The following AKNA variants were observed in gnomAD, a reference collection of about 807,000 sequenced individuals.
AKNA encodes AT-hook transcription factor.
AKNA carries 67 observed loss-of-function variants against 138.8 expected under a neutral mutation model. The observed-to-expected ratio is 0.48, with a 90% CI of 0.40 to 0.59. AKNA has a LOEUF of 0.59. AKNA is among the 20% of genes least tolerant of loss of function. The pLI is 0.00. For missense variants in AKNA, 1,813 were observed against 1,880.4 expected (o/e 0.96, Z 0.66); for synonymous variants, 737 against 754.4 (o/e 0.98, Z 0.38).
intron 15 of AKNA, 31 bp from the exon 16 acceptor site, chr9:114,347,931 A>G: frequency 6.5e-7 from 1 of 1,545,582 alleles, no homozygotes; most frequent in East Asian, 2.5e-5. Flanking sequence ...GAAACAAAGA[A>G]CAGAGGCATG....
At chr9:114,386,942 G>C (rs1180498082) in intron 1 of AKNA, among the ~76,000 whole-genome samples, 1 of 151,930 alleles carries the variant, frequency 6.6e-6, no homozygotes, top group Non-Finnish European at 1.5e-5. Flanking sequence ...GAGCTGTCCA[G>C]GGTGCCACCC....
upstream of AKNA, among the ~76,000 whole-genome samples, chr9:114,395,736 TAAAAAAA>T (rs11297740): frequency 4.1e-4 from 44 of 108,256 alleles, 1 homozygote; most frequent in Middle Eastern, 5.7e-3. Context: ...CAGCTGTCTT[TAAAAAAA>T]AAAAAAAAAA....
chr9:114,382,086 T>C (rs1345241382), intron 1 of AKNA, among the ~76,000 whole-genome samples: 1 of 152,208 alleles, frequency 6.6e-6, no homozygotes, highest in East Asian at 1.9e-4. Context: ...GCACAGGCCC[T>C]GCTCATGGGA....
At chr9:114,366,536 T>G (rs1178899239) in intron 6 of AKNA, among the ~76,000 whole-genome samples, 1 of 152,082 alleles carries the variant, frequency 6.6e-6, no homozygotes, top group East Asian at 1.9e-4. Flanking sequence ...GTGATGAAAA[T>G]GTTCTAAAAC....
rs1236337601 is a variant in AKNA, at chr9:114,376,680, T to C, written c.1127A>G (p.Tyr376Cys). 6.2e-7 allele frequency: 1 copy of C among 1,613,242 alleles called. No homozygotes were observed. The highest frequency in any genetic ancestry group is 8.5e-7 in the Non-Finnish European group (1 of 1,179,678). Residue 376 changes from tyrosine (Y) to cysteine (C), a missense_variant, in exon 3 of 22, where the codon TAC (tyrosine) becomes TGC (cysteine). Transcript: ENST00000374088. ...GTGGCTTCTGGACTTGGGGGGACGG[T>C]AGCTCTCATCTTTGGGGAATCTCAC... ...PRVRFPKDES[Y>C]RPPKSRSHNR...
intron 16 of AKNA, 123 bp downstream of exon 16, chr9:114,347,601 G>A (rs554380036): frequency 1.0e-6 from 1 of 1,004,240 alleles, no homozygotes; most frequent in African/African-American, 1.7e-5. Flanking sequence ...GTGAATGAAT[G>A]AATGAGTGAG....
In AKNA at chr9:114,360,051, G is replaced by A. The variant is rs1456819316; in HGVS notation, c.2136C>T (p.Thr712=). The change falls in exon 10 of 22, where the codon ACC becomes ACT. Residue 712 remains threonine (T), a synonymous_variant. Transcript: ENST00000374088. ...IKTSCPEPAT[T]TAAASTGPCP... is the part of the protein sequence containing the mutation. ...AGGGGCCAGTGCTGGCGGCGGCAGTGGTGGTAGCAGGCTGGGGTCAGAAAG... is the reference window on the plus strand; with the variant it reads ...AGGGGCCAGTGCTGGCGGCGGCAGTAGTGGTAGCAGGCTGGGGTCAGAAAG... 1 of 1,614,152 alleles carries A rather than the reference G, an allele frequency of 6.2e-7. No individual in the cohort carries two copies. The highest frequency in any genetic ancestry group is 8.5e-7 in the Non-Finnish European group (1 of 1,180,036).
chr9:114,375,459 C>T (rs749314566), intron 3 of AKNA, among the ~76,000 whole-genome samples: 3 of 152,108 alleles, frequency 2.0e-5, no homozygotes, highest in Non-Finnish European at 2.9e-5. Flanking sequence ...GGCCCATGGA[C>T]GGGAACGAAT....
At position 114,359,360 on chromosome 9, in the gene AKNA, T is replaced by C. The variant is rs1406912483; in HGVS notation, c.2492+234A>G. The stretch of plus-strand genomic sequence containing the variant: ...CTGGGATTACAGGCATGAGCCACTG[T>C]GCCCAGCTGAGAATAATGTTCTTTA... On this transcript the variant is annotated intron_variant, in intron 11 of 21. Coordinates refer to ENST00000374088, the MANE Select transcript of AKNA (RefSeq NM_001317950.2). The C allele has an allele frequency of 3.7e-6, 3 of 820,724 alleles. No homozygotes were observed. In the African/African-American group the frequency reaches 5.3e-5, roughly 14 times the overall value. The allele number at this position is 820,724 out of a possible 1,614,324, so 50.8% of individuals were successfully genotyped here. A position where few individuals can be genotyped will look rare whatever the true frequency, so the allele number is the denominator to read the frequency against.
upstream of AKNA, among the ~76,000 whole-genome samples, chr9:114,389,296 C>T (rs1185586861): frequency 6.6e-6 from 1 of 152,072 alleles, no homozygotes; most frequent in East Asian, 1.9e-4. Context: ...ACACTGGCCC[C>T]ACCCAGGACC....
chr9:114,396,379 C>T (rs1457287699), upstream of AKNA, among the ~76,000 whole-genome samples: 3 of 152,156 alleles, frequency 2.0e-5, no homozygotes, highest in South Asian at 4.1e-4. Flanking sequence ...CTCACTCAAG[C>T]CTTAAAATGG....
intron 9 of AKNA, 144 bp downstream of exon 9, chr9:114,361,560 T>C: frequency 1.0e-6 from 1 of 993,452 alleles, no homozygotes; most frequent in Non-Finnish European, 1.5e-6. Context: ...GGCACACACT[T>C]CATAAATATG....
At chr9:114,359,831 C>T (rs1359747410) in intron 10 of AKNA, 37 bp from the exon 11 acceptor site, 3 of 1,612,072 alleles carry the variant, frequency 1.9e-6, no homozygotes, top group Non-Finnish European at 2.5e-6. Context: ...GACCTCTGCC[C>T]AGTGGGGGAC....
rs1564611870 is a variant in AKNA, at chr9:114,337,237, T to C, written c.4137A>G (p.Pro1379=). 1 of 1,571,336 alleles carries C rather than the reference T, an allele frequency of 6.4e-7. No individual in the cohort carries two copies. The change falls in exon 22 of 22, where the codon CCA becomes CCG. Residue 1379 remains proline (P), a synonymous_variant. Transcript: ENST00000374088. ...AAKWPPTASP[P]PARRHRHSIQ... is the part of the protein sequence containing the mutation. ...TGGAGTGCCGGTGTCTCCGGGCTGGTGGGGGAGAGGCTGTGGGCGGCCACT... is the reference window on the plus strand; with the variant it reads ...TGGAGTGCCGGTGTCTCCGGGCTGGCGGGGGAGAGGCTGTGGGCGGCCACT...
rs760913390 is a variant in AKNA at position 114,361,922 on chromosome 9, G to C, written c.1917-11C>G. 6.2e-6 allele frequency: 10 copies of C among 1,600,038 alleles called. No homozygotes were observed. In the African/African-American group the frequency reaches 1.1e-4, roughly 17 times the overall value. The stretch of plus-strand genomic sequence containing the variant: ...TCTGCCTCCAGCTCCCTGGAATGCA[G>C]AAACATTACCACCAGGAGCCCAAGA... On this transcript the variant is annotated splice_polypyrimidine_tract_variant and intron_variant, in intron 8 of 21. Transcript: ENST00000374088.
Position 114,342,053 on chromosome 9 carries a change from A to G in AKNA, c.3830T>C (p.Val1277Ala), listed in dbSNP as rs1372485984. 3 of 1,613,982 alleles carry G rather than the reference A, an allele frequency of 1.9e-6. No individual in the cohort carries two copies. The highest frequency in any genetic ancestry group is 2.5e-6 in the Non-Finnish European group (3 of 1,179,922). The change falls in exon 20 of 22, where the codon GTT becomes GCT. Residue 1277 changes from valine to alanine, a missense_variant. Transcript: ENST00000374088. Reference protein sequence around the residue: ...DTLQCPLCGQVGSPPEADGPG... With the variant: ...DTLQCPLCGQAGSPPEADGPG... ...ACCATCTGCCTCTGGGGGAGACCCA[A>G]CTTGACCACACAGGGGACACTGAAG... is the stretch of plus-strand genomic sequence containing the variant.
chr9:114,350,041 T>C (rs1455023900), intron 15 of AKNA, among the ~76,000 whole-genome samples: 1 of 152,202 alleles, frequency 6.6e-6, no homozygotes, highest in East Asian at 1.9e-4. Flanking sequence ...ACTGCCTGTT[T>C]CTTTGTCTGT....
At chr9:114,361,300 T>G (rs572268396) in intron 9 of AKNA, among the ~76,000 whole-genome samples, 13 of 152,310 alleles carry the variant, frequency 8.5e-5, no homozygotes, top group Non-Finnish European at 1.8e-4. Flanking sequence ...CTCTAGTAAT[T>G]CCTACTTAGT....
chr9:114,377,085 T>G lies in AKNA; in HGVS notation c.722A>C (p.His241Pro). Residue 241 changes from histidine to proline, a missense_variant, in exon 3 of 22, where the codon CAC becomes CCC. By Grantham distance (77) the His-to-Pro change is moderately conservative. Coordinates refer to ENST00000374088, the MANE Select transcript of AKNA (RefSeq NM_001317950.2). ...LAETLPEGPS[H>P]HLLSPDGRTG... Reference sequence around the variant, plus strand: ...TCTGCCATCTGGGCTTAGGAGGTGGTGGCTGGGGCCCTCTGGCAAGGTTTC... The same window carrying G: ...TCTGCCATCTGGGCTTAGGAGGTGGGGGCTGGGGCCCTCTGGCAAGGTTTC... The G allele has an allele frequency of 6.2e-7, 1 of 1,614,104 alleles. No homozygotes were observed.
Sources: allele counts gnomAD v4.1 joint callset (sites outside exome capture counted in the v4.1 genomes callset), GRCh38; gene constraint gnomAD v4.1.1; transcripts MANE v1.5; gene names NCBI Gene and HGNC (gene_info 2026-07-23, HGNC 2026-07-21).